The following XKR4 variants were observed in gnomAD, a reference collection of about 807,000 sequenced individuals.
XKR4 encodes XK related 4.
A neutral mutation model predicts 53.9 loss-of-function variants in XKR4; 12 were observed. The observed-to-expected ratio is 0.22, with a 90% CI of 0.14 to 0.36. XKR4 has a LOEUF of 0.36. Among genes scored for constraint, XKR4 ranks in the 10% least tolerant of loss-of-function variants. XKR4 has a pLI of 1.00. For synonymous variants in XKR4, 354 were observed against 362.4 expected (o/e 0.98, Z 0.26); for missense variants, 799 against 859.5 (o/e 0.93, Z 0.88).
intron 1 of XKR4, among the ~76,000 whole-genome samples, chr8:55,132,685 T>C (rs184948458): frequency 1.3e-5 from 2 of 152,278 alleles, no homozygotes; most frequent in Non-Finnish European, 1.5e-5. Context: ...CGTCAGACCA[T>C]TAACTTCAAG....
intron 1 of XKR4, among the ~76,000 whole-genome samples, chr8:55,255,260 A>T (rs1818421360): frequency 1.3e-5 from 2 of 152,184 alleles, no homozygotes; most frequent in South Asian, 2.1e-4. Flanking sequence ...GTGGCCTTAG[A>T]TAAGTTATTT....
At chr8:55,233,974 G>T (rs1407485827) in intron 1 of XKR4, among the ~76,000 whole-genome samples, 1 of 152,174 alleles carries the variant, frequency 6.6e-6, no homozygotes, top group Non-Finnish European at 1.5e-5. Context: ...CAGAATACAT[G>T]TGTCAGAGCC....
chr8:55,141,325 C>T (rs1422158942), intron 1 of XKR4, among the ~76,000 whole-genome samples: 2 of 152,194 alleles, frequency 1.3e-5, no homozygotes, highest in Non-Finnish European at 2.9e-5. Context: ...TTCTCTTCCC[C>T]TGTGTCCTGT....
intron 2 of XKR4, among the ~76,000 whole-genome samples, chr8:55,515,184 A>G (rs2129405050): frequency 6.6e-6 from 1 of 152,348 alleles, no homozygotes. Context: ...AGAAGTAGAA[A>G]TCCTCCAAAT....
intron 1 of XKR4, among the ~76,000 whole-genome samples, chr8:55,109,843 A>T (rs914842698): frequency 6.6e-6 from 1 of 152,314 alleles, no homozygotes; most frequent in Non-Finnish European, 1.5e-5. Flanking sequence ...TCTTTGCTCA[A>T]TCTCTTACAA....
intron 1 of XKR4, among the ~76,000 whole-genome samples, chr8:55,115,113 T>C (rs952433180): frequency 6.6e-6 from 1 of 152,132 alleles, no homozygotes; most frequent in African/African-American, 2.4e-5. Context: ...CCCTGCCAAA[T>C]TGCCACCAGC....
intron 1 of XKR4, among the ~76,000 whole-genome samples, chr8:55,329,280 G>C (rs936511601): frequency 6.6e-6 from 1 of 152,020 alleles, no homozygotes; most frequent in Non-Finnish European, 1.5e-5. Flanking sequence ...TCTTAAGCTT[G>C]TTTAACCCAA....
chr8:55,105,541 A>T (rs1171163906), intron 1 of XKR4, among the ~76,000 whole-genome samples: 1 of 152,214 alleles, frequency 6.6e-6, no homozygotes, highest in Non-Finnish European at 1.5e-5. Context: ...ATAATGCATG[A>T]TCATCTAGGA....
chr8:55,464,570 TG>T lies in XKR4; in HGVS notation c.1007-58709del, dbSNP rs201564907. ...CATTGAAACTTGTGCCTTTGAAAAC[TG>T]GCACAAGACAGGGATGCCCTCTCTC... On this transcript the variant is annotated intron_variant, in intron 2 of 2. Coordinates refer to ENST00000327381, the MANE Select transcript of XKR4 (RefSeq NM_052898.2). Among the ~76,000 whole-genome samples the T allele has an allele frequency of 3.6e-3, 554 of 152,220 alleles. 9 individuals are homozygous for T. Among genetic ancestry groups the T allele is most frequent in the African/African-American group, 0.013 (519 of 41,502 alleles).
intron 2 of XKR4, among the ~76,000 whole-genome samples, chr8:55,482,502 A>T (rs1478317329): frequency 6.6e-6 from 1 of 152,060 alleles, no homozygotes; most frequent in Non-Finnish European, 1.5e-5. Flanking sequence ...CATATGTAAC[A>T]AACCTGCACA....
intron 1 of XKR4, among the ~76,000 whole-genome samples, chr8:55,115,744 TG>T (rs1198079374): frequency 6.6e-6 from 1 of 152,050 alleles, no homozygotes; most frequent in East Asian, 1.9e-4. Flanking sequence ...ATCATGCCAC[TG>T]TACTCCAGCC....
chr8:55,477,780 C>A (rs183003423), intron 2 of XKR4, among the ~76,000 whole-genome samples: 1 of 151,874 alleles, frequency 6.6e-6, no homozygotes, highest in African/African-American at 2.4e-5. Context: ...GGAGCTGATG[C>A]GATCAACTGG....
intron 2 of XKR4, among the ~76,000 whole-genome samples, chr8:55,371,528 T>C (rs1251633118): frequency 6.6e-6 from 1 of 152,212 alleles, no homozygotes; most frequent in Non-Finnish European, 1.5e-5. Flanking sequence ...AGTAAATAGA[T>C]CAATAAAATA....
chr8:55,241,709 G>C (rs1818213054), intron 1 of XKR4, among the ~76,000 whole-genome samples: 1 of 152,104 alleles, frequency 6.6e-6, no homozygotes. Context: ...ATGGCTTAAG[G>C]AATGTGATGT....
intron 1 of XKR4, among the ~76,000 whole-genome samples, chr8:55,296,628 A>G (rs1028288636): frequency 6.6e-6 from 1 of 152,166 alleles, no homozygotes; most frequent in Non-Finnish European, 1.5e-5. Flanking sequence ...ATGAACAACA[A>G]GGAACCAATT....
chr8:55,477,886 C>A (rs1806026110), intron 2 of XKR4, among the ~76,000 whole-genome samples: 1 of 151,978 alleles, frequency 6.6e-6, no homozygotes, highest in Non-Finnish European at 1.5e-5. Flanking sequence ...ACAAAGCCTC[C>A]AAGAAATAAG....
intron 2 of XKR4, among the ~76,000 whole-genome samples, chr8:55,505,209 C>CTTTGCTGCATCTATTAGTT (rs1267811175): frequency 1.3e-5 from 2 of 152,058 alleles, no homozygotes; most frequent in Admixed American, 6.6e-5. Context: ...CTTAGCATTG[C>CTTTGCTGCATCTATTAGTT]TTTGCTGCAT....
At chr8:55,186,681 T>TA (rs1817383039) in intron 1 of XKR4, among the ~76,000 whole-genome samples, 1 of 151,864 alleles carries the variant, frequency 6.6e-6, no homozygotes, top group Non-Finnish European at 1.5e-5. Context: ...AATAAATAAT[T>TA]AAAAAATTCA....
chr8:55,493,653 A>G (rs1057450395), intron 2 of XKR4, among the ~76,000 whole-genome samples: 2 of 152,208 alleles, frequency 1.3e-5, no homozygotes, highest in Non-Finnish European at 2.9e-5. Context: ...ACACATAGGA[A>G]ACTCTCAAAA....
Sources: gnomAD v4.1 joint callset for allele counts (sites outside exome capture counted in the v4.1 genomes callset) on GRCh38, gnomAD v4.1.1 for gene constraint, MANE v1.5 for transcripts, NCBI Gene and HGNC (gene_info 2026-07-23, HGNC 2026-07-21) for gene names.